PDE2A: variants seen among roughly 807,000 people sequenced by gnomAD.
PDE2A encodes the protein phosphodiesterase 2A.
A neutral mutation model predicts 133.6 loss-of-function variants in PDE2A; 53 were observed. The ratio of observed to expected loss-of-function variants is 0.40; its 90% CI spans 0.32 to 0.50. PDE2A has a LOEUF of 0.50. Among genes scored for constraint, PDE2A ranks in the 20% least tolerant of loss-of-function variants. The pLI, the probability that PDE2A is intolerant of heterozygous loss-of-function variation, is 0.73. For missense variants in PDE2A, 796 were observed against 1,232.4 expected, an observed-to-expected ratio of 0.65 and a Z score of 5.30; for synonymous variants, 491 against 490.2, an observed-to-expected ratio of 1.00 and a Z score of -0.02.
intron 25 of PDE2A, 87 bp downstream of exon 25, chr11:72,580,490 T>G: frequency 2.0e-6 from 2 of 991,954 alleles, no homozygotes; most frequent in Non-Finnish European, 1.6e-6. Context: ...GAGAGCATGG[T>G]TTGGGAATAG....
chr11:72,627,900 C>T (rs1858165956), intron 2 of PDE2A, among the ~76,000 whole-genome samples: 1 of 152,224 alleles, frequency 6.6e-6, no homozygotes, highest in Admixed American at 6.5e-5. Context: ...GATGCAGAGG[C>T]CTGGCCCTGA....
At chr11:72,599,453 AG>A in intron 4 of PDE2A, among the ~76,000 whole-genome samples, 1 of 152,178 alleles carries the variant, frequency 6.6e-6, no homozygotes, top group South Asian at 2.1e-4. Context: ...ACCATCCACC[AG>A]GTCCTTCACG....
At chr11:72,603,492 G>A (rs1052045924) in intron 4 of PDE2A, among the ~76,000 whole-genome samples, 1 of 152,126 alleles carries the variant, frequency 6.6e-6, no homozygotes, top group African/African-American at 2.4e-5. Context: ...GCTGCTCCCC[G>A]CTGCCTCCTG....
At chr11:72,662,727 C>T (rs371872322) in intron 1 of PDE2A, among the ~76,000 whole-genome samples, 1 of 152,192 alleles carries the variant, frequency 6.6e-6, no homozygotes, top group African/African-American at 2.4e-5. Flanking sequence ...GCTGTCACCC[C>T]TCCTCTGGCC....
chr11:72,624,983 C>G (rs956003699), intron 2 of PDE2A, among the ~76,000 whole-genome samples: 1 of 152,256 alleles, frequency 6.6e-6, no homozygotes, highest in African/African-American at 2.4e-5. Context: ...AGCTTGGCCC[C>G]TCGTCCCCAC....
intron 2 of PDE2A, chr11:72,614,946 A>G (rs1857389526): frequency 2.9e-6 from 1 of 342,960 alleles, no homozygotes; most frequent in Admixed American, 2.7e-5. Context: ...GACCTGCCAG[A>G]GACCTTTCCT....
intron 1 of PDE2A, among the ~76,000 whole-genome samples, chr11:72,661,321 C>T (rs1012568570): frequency 6.6e-6 from 1 of 152,090 alleles, no homozygotes; most frequent in African/African-American, 2.4e-5. Flanking sequence ...TAAATAAATA[C>T]AGAAATAAAT....
Position 72,642,248 on chromosome 11 carries a change from C to A in PDE2A, c.144+6G>T. ...CTCCTGGTGCCCAGCGCGGGGGCCC[C>A]CCTACCTGCAGGCTGTCGGCGCATG... On this transcript the variant is annotated splice_donor_region_variant and intron_variant, in intron 2 of 30. Coordinates refer to ENST00000334456, the MANE Select transcript of PDE2A (RefSeq NM_002599.5). 2 of 1,520,334 alleles carry A rather than the reference C, an allele frequency of 1.3e-6. No homozygotes were observed. Among genetic ancestry groups the A allele is most frequent in the East Asian group, 2.6e-5 (1 of 38,662 alleles). 94.2% of individuals were successfully genotyped at this position (1,520,334 alleles called of 1,614,324 possible).
intron 2 of PDE2A, among the ~76,000 whole-genome samples, chr11:72,634,062 C>G (rs1380559999): frequency 6.6e-6 from 1 of 152,164 alleles, no homozygotes; most frequent in Non-Finnish European, 1.5e-5. Flanking sequence ...CCTTCCAAAT[C>G]TAACTTTCAC....
At chr11:72,639,187 G>T (rs977721495) in intron 2 of PDE2A, among the ~76,000 whole-genome samples, 1 of 152,206 alleles carries the variant, frequency 6.6e-6, no homozygotes, top group South Asian at 2.1e-4. Flanking sequence ...CCTACAGACT[G>T]CGTCAGTCTA....
At chr11:72,612,465 C>T (rs1349498822) in intron 2 of PDE2A, among the ~76,000 whole-genome samples, 4 of 152,058 alleles carry the variant, frequency 2.6e-5, no homozygotes, top group African/African-American at 7.2e-5. Flanking sequence ...AGAAAAGAGC[C>T]GCAATTTCCA....
intron 2 of PDE2A, among the ~76,000 whole-genome samples, chr11:72,618,022 G>A (rs573549815): frequency 5.3e-5 from 8 of 152,132 alleles, no homozygotes; most frequent in African/African-American, 1.7e-4. Flanking sequence ...CTCTCCCAGC[G>A]CAGTGCTTTG....
At chr11:72,650,160 T>A (rs1854690799) in intron 1 of PDE2A, among the ~76,000 whole-genome samples, 1 of 152,008 alleles carries the variant, frequency 6.6e-6, no homozygotes, top group African/African-American at 2.4e-5. Context: ...TAGCTGAGAT[T>A]ACAGGCGCCT....
At chr11:72,601,925 G>A (rs75926779) in intron 4 of PDE2A, among the ~76,000 whole-genome samples, 8,333 of 152,228 alleles carry the variant, frequency 0.055, 337 homozygotes, top group Non-Finnish European at 0.084. Context: ...GCATCGGATT[G>A]TGATTGCAGC....
chr11:72,594,916 C>T (rs963010945), intron 6 of PDE2A, among the ~76,000 whole-genome samples: 1 of 152,158 alleles, frequency 6.6e-6, no homozygotes, highest in Non-Finnish European at 1.5e-5. Flanking sequence ...CTGCCTTCCC[C>T]CAGACTGAGA....
intron 1 of PDE2A, among the ~76,000 whole-genome samples, chr11:72,663,956 G>A (rs1265843718): frequency 6.6e-6 from 1 of 152,192 alleles, no homozygotes; most frequent in African/African-American, 2.4e-5. Context: ...ACTTCTAAGT[G>A]GCAGCTTCAT....
At chr11:72,629,256 GAGGGCA>G (rs1858250947) in intron 2 of PDE2A, among the ~76,000 whole-genome samples, 1 of 136,928 alleles carries the variant, frequency 7.3e-6, no homozygotes, top group African/African-American at 3.7e-5. Context: ...TGAACCTGCA[GAGGGCA>G]GGCAGATGGC....
At position 72,597,592 on chromosome 11, in the gene PDE2A, C is replaced by T; in HGVS notation, c.351G>A (p.Leu117=). ...CTGAGAAGCCCAGCCCATTGCAGCCCAGCCGCTTCTGGGAGATGATAGCCT... is the reference window on the plus strand; with the variant it reads ...CTGAGAAGCCCAGCCCATTGCAGCCTAGCCGCTTCTGGGAGATGATAGCCT... The part of the protein sequence containing the change: ...VREAIISQKR[L]GCNGLGFSDL... Residue 117 remains leucine, a synonymous_variant, in exon 5 of 31, where the codon CTG becomes CTA. Transcript: ENST00000334456. The surrounding 1 kb of genome is among the most constrained non-coding windows in gnomAD (Gnocchi z 4.6). 6.2e-7 allele frequency: 1 copy of T among 1,613,126 alleles called. No individual in the cohort carries two copies. The highest frequency in any genetic ancestry group is 8.5e-7 in the Non-Finnish European group (1 of 1,179,806).
chr11:72,590,174 A>T lies in PDE2A; in HGVS notation c.756+18T>A. 6.5e-7 allele frequency: 1 copy of T among 1,543,134 alleles called. No individual in the cohort carries two copies. Among genetic ancestry groups the T allele is most frequent in the Non-Finnish European group, 8.8e-7 (1 of 1,140,232 alleles). ...GAGACAGGACGGGGAGGTGGCCGGC[A>T]GGGGCGCAGGGACTCACGTATTGGA... On this transcript the variant is annotated intron_variant, in intron 9 of 30. Transcript: ENST00000334456. The surrounding 1 kb of genome is among the most constrained non-coding windows in gnomAD (Gnocchi z 4.8).
Sources: gnomAD v4.1 joint callset for allele counts (sites outside exome capture counted in the v4.1 genomes callset) on GRCh38, gnomAD v4.1.1 for gene constraint, Gnocchi (gnomAD v3.1) non-coding constraint, MANE v1.5 for transcripts, NCBI Gene and HGNC (gene_info 2026-07-23, HGNC 2026-07-21) for gene names.